MAP3K4: variants seen among roughly 807,000 people sequenced by gnomAD.
MAP3K4 encodes mitogen-activated protein kinase kinase kinase 4, also known as MAP three kinase 1.
Under a neutral mutation model 185.6 loss-of-function variants are expected in MAP3K4, and 67 were observed. The observed-to-expected ratio is 0.36, with a 90% confidence interval of 0.30 to 0.44. The LOEUF (loss-of-function observed/expected upper bound fraction) is 0.44. Ranked by LOEUF, MAP3K4 falls within the 20% of genes least tolerant of loss-of-function variation. The pLI is 1.00. For synonymous variants in MAP3K4, 702 were observed against 710.4 expected, an observed-to-expected ratio of 0.99 and a Z score of 0.19; for missense variants, 1,551 against 1,995.1, an observed-to-expected ratio of 0.78 and a Z score of 4.24.
rs1784946623 is a variant in MAP3K4, at chr6:161,071,585, G to C, written c.1950+735G>C. On this transcript the variant is annotated intron_variant, in intron 4 of 26. Transcript: ENST00000392142. This position sits in a 1 kb window ranked among gnomAD's most constrained non-coding sequence, Gnocchi z 4.6. ...TGGTAAGACAAAGCATAGGTGAGCA[G>C]TGCAGATTGAGGAAAGGCAGGTGAA... is the stretch of plus-strand genomic sequence containing the variant. Among the ~76,000 whole-genome samples, 1 of 152,186 alleles carries C rather than the reference G, an allele frequency of 6.6e-6. No individual in the cohort carries two copies. Among genetic ancestry groups the C allele is most frequent in the African/African-American group, 2.4e-5 (1 of 41,444 alleles).
At position 161,097,817 on chromosome 6, in the gene MAP3K4, G is replaced by A. The variant is rs1777638447; in HGVS notation, c.3525-461G>A. Reference sequence around the variant, plus strand: ...AAAGCTTTGAGGGGACCGGGGTGCGGTGACTCACGCCTGTAATTCCAGCAC... The same window carrying A: ...AAAGCTTTGAGGGGACCGGGGTGCGATGACTCACGCCTGTAATTCCAGCAC... On this transcript the variant is annotated intron_variant, in intron 16 of 26. Coordinates refer to ENST00000392142, the MANE Select transcript of MAP3K4 (RefSeq NM_005922.4). This position sits in a 1 kb window ranked among gnomAD's most constrained non-coding sequence, Gnocchi z 4.9. Among the ~76,000 whole-genome samples, 1 of 152,104 alleles carries A rather than the reference G, an allele frequency of 6.6e-6. No homozygotes were observed. The highest frequency in any genetic ancestry group is 2.4e-5 in the African/African-American group (1 of 41,426).
At chr6:161,026,552 T>A (rs1326652772) in intron 1 of MAP3K4, among the ~76,000 whole-genome samples, 1 of 152,144 alleles carries the variant, frequency 6.6e-6, no homozygotes, top group Non-Finnish European at 1.5e-5. Flanking sequence ...CACACAATTG[T>A]TGGAGGTAGT....
chr6:161,023,447 C>G (rs555446965), intron 1 of MAP3K4, among the ~76,000 whole-genome samples: 2 of 152,368 alleles, frequency 1.3e-5, no homozygotes, highest in South Asian at 4.1e-4. Context: ...TGCTTCTTCA[C>G]TCAGCCTCCT....
chr6:161,093,792 A>G lies in MAP3K4; in HGVS notation c.3368A>G (p.Asn1123Ser). The G allele has an allele frequency of 2.5e-6, 4 of 1,612,852 alleles. No individual in the cohort carries two copies. The highest frequency in any genetic ancestry group is 3.4e-6 in the Non-Finnish European group (4 of 1,179,356). The change falls in exon 15 of 27, where the codon AAT becomes AGT. Residue 1123 changes from asparagine (N) to serine (S), a missense_variant. By Grantham distance (46) the Asn-to-Ser change is conservative. Coordinates refer to ENST00000392142, the MANE Select transcript of MAP3K4 (RefSeq NM_005922.4). This position sits in a 1 kb window ranked among gnomAD's most constrained non-coding sequence, Gnocchi z 5.2. ...TTCTAGAGTTTACAAGCCTTGATGA[A>G]TGAATGCATTGGCCATGTCATAGGA... ...DDFLSLQALM[N>S]ECIGHVIGKP...
chr6:161,084,990 C>CA lies in MAP3K4; in HGVS notation c.2372+381dup, dbSNP rs200137223. Among the ~76,000 whole-genome samples the CA allele has an allele frequency of 9.4e-3, 1,426 of 151,402 alleles. 23 individuals carry two copies. The highest frequency in any genetic ancestry group is 0.031 in the African/African-American group (1,277 of 41,288). On this transcript the variant is annotated intron_variant, in intron 7 of 26. Coordinates refer to ENST00000392142, the MANE Select transcript of MAP3K4 (RefSeq NM_005922.4). This position sits in a 1 kb window ranked among gnomAD's most constrained non-coding sequence, Gnocchi z 4.6. ...TGAAACCTCGTCTCTACTAAAAATA[C>CA]AAAAAAAACAGCTGGGCGTGGTGGC...
chr6:161,039,279 C>CAAAA (rs3050259), intron 2 of MAP3K4, among the ~76,000 whole-genome samples: 159 of 71,780 alleles, frequency 2.2e-3, no homozygotes, highest in East Asian at 3.7e-3. Flanking sequence ...CGCAAAAATG[C>CAAAA]AAAAAAAAAA....
intron 3 of MAP3K4, among the ~76,000 whole-genome samples, chr6:161,060,628 T>A (rs1784443219): frequency 6.7e-6 from 1 of 149,106 alleles, no homozygotes; most frequent in Admixed American, 6.6e-5. Context: ...CTTTTTTTTT[T>A]TTTTTTTTTG....
At chr6:161,085,076 G>T (rs1170149799) in intron 7 of MAP3K4, among the ~76,000 whole-genome samples, 2 of 151,950 alleles carry the variant, frequency 1.3e-5, no homozygotes. Flanking sequence ...AACCCAGGAG[G>T]CAGAGGTTGC....
chr6:161,088,225 G>A lies in MAP3K4; in HGVS notation c.2823+271G>A, dbSNP rs1415335799. ...AGTTCAGTCATGTAGTTAGATCTGTGGAGCTATGATCTAAAAGGAGTTATG... is the reference window on the plus strand; with the variant it reads ...AGTTCAGTCATGTAGTTAGATCTGTAGAGCTATGATCTAAAAGGAGTTATG... On this transcript the variant is annotated intron_variant, in intron 10 of 26. Transcript: ENST00000392142. The surrounding 1 kb of genome is among the most constrained non-coding windows in gnomAD (Gnocchi z 4.5). Among the ~76,000 whole-genome samples the A allele has an allele frequency of 6.6e-6, 1 of 152,138 alleles. No individual in the cohort carries two copies. Among genetic ancestry groups the A allele is most frequent in the East Asian group, 1.9e-4 (1 of 5,200 alleles).
Position 161,049,963 on chromosome 6 carries a change from A to T in MAP3K4, c.1691A>T (p.Asn564Ile), listed in dbSNP as rs1273304426. 3 of 1,609,062 alleles carry T rather than the reference A, an allele frequency of 1.9e-6. No homozygotes were observed. Among genetic ancestry groups the T allele is most frequent in the African/African-American group, 1.3e-5 (1 of 74,798 alleles). ...AGGGCACGTATAGCATTGGTAAAGAACGATCGTCCAGTGGAGGTAGGTTTC... is the reference window on the plus strand; with the variant it reads ...AGGGCACGTATAGCATTGGTAAAGATCGATCGTCCAGTGGAGGTAGGTTTC... ...LQRARIALVKNDRPVEFSEFP... is the reference protein window; with the variant it reads ...LQRARIALVKIDRPVEFSEFP... Residue 564 changes from asparagine (N) to isoleucine (I), a missense_variant, in exon 3 of 27, where the codon AAC (asparagine) becomes ATC (isoleucine). This residue lies in a region of MAP3K4 where 86 missense variants were observed against 81.6 expected (regional missense o/e 1.05). Coordinates refer to ENST00000392142, the MANE Select transcript of MAP3K4 (RefSeq NM_005922.4). The surrounding 1 kb of genome is among the most constrained non-coding windows in gnomAD (Gnocchi z 8.4).
rs1251884577 is a variant in MAP3K4 at position 161,112,817 on chromosome 6, C to T, written c.4626+43C>T. The stretch of plus-strand genomic sequence containing the variant: ...ACCTGGCGGAGCAACTTCAGAAGGG[C>T]ACTGTGCATTAACAGAACAGTAGTT... On this transcript the variant is annotated intron_variant, in intron 25 of 26. Coordinates refer to ENST00000392142, the MANE Select transcript of MAP3K4 (RefSeq NM_005922.4). The surrounding 1 kb of genome is among the most constrained non-coding windows in gnomAD (Gnocchi z 5.1). 1.1e-5 allele frequency: 15 copies of T among 1,352,688 alleles called. No homozygotes were observed. The highest frequency in any genetic ancestry group is 4.4e-5 in the African/African-American group (3 of 68,322). The allele number at this position is 1,352,688 out of a possible 1,614,324, so 83.8% of individuals were successfully genotyped here. A position where few individuals can be genotyped will look rare whatever the true frequency, so the allele number is the denominator to read the frequency against.
Position 160,996,056 on chromosome 6 carries a change from G to A in MAP3K4, c.152+3973G>A, listed in dbSNP as rs965000412. 1.3e-5 allele frequency among the ~76,000 whole-genome samples: 2 copies of A among 152,018 alleles called. No homozygotes were observed. The highest frequency in any genetic ancestry group is 2.1e-4 in the South Asian group (1 of 4,806). Reference sequence around the variant, plus strand: ...ACTAGTTGAATGTCGTCACTCCTAGGCAATTTGCTCTGCCTCTCGGCTTGA... The same window carrying A: ...ACTAGTTGAATGTCGTCACTCCTAGACAATTTGCTCTGCCTCTCGGCTTGA... On this transcript the variant is annotated intron_variant, in intron 1 of 26. Coordinates refer to ENST00000392142, the MANE Select transcript of MAP3K4 (RefSeq NM_005922.4). The surrounding 1 kb of genome is among the most constrained non-coding windows in gnomAD (Gnocchi z 4.5).
At position 161,082,900 on chromosome 6, in the gene MAP3K4, T is replaced by C. The variant is rs1169990613; in HGVS notation, c.2256-1601T>C. ...CTGGTTAAAGTGTATGTCAGACCATTGTCTTCTCTCAATTTCCCAGTGGCT... is the reference window on the plus strand; with the variant it reads ...CTGGTTAAAGTGTATGTCAGACCATCGTCTTCTCTCAATTTCCCAGTGGCT... On this transcript the variant is annotated intron_variant, in intron 6 of 26. Coordinates refer to ENST00000392142, the MANE Select transcript of MAP3K4 (RefSeq NM_005922.4). This position sits in a 1 kb window ranked among gnomAD's most constrained non-coding sequence, Gnocchi z 4.2. Among the ~76,000 whole-genome samples the C allele has an allele frequency of 6.6e-6, 1 of 152,182 alleles. No homozygotes were observed. The highest frequency in any genetic ancestry group is 1.5e-5 in the Non-Finnish European group (1 of 68,032).
At chr6:161,057,386 A>G (rs1784291108) in intron 3 of MAP3K4, among the ~76,000 whole-genome samples, 1 of 152,212 alleles carries the variant, frequency 6.6e-6, no homozygotes, top group South Asian at 2.1e-4. Flanking sequence ...TAGGTACAGT[A>G]GATAACTTTC....
chr6:161,108,120 T>G lies in MAP3K4; in HGVS notation c.4119+151T>G. ...GTCAGGACCAACCAGGCAGATGCAC[T>G]GAGATAACACACACAGACAGTGAAG... On this transcript the variant is annotated intron_variant, in intron 21 of 26. Coordinates refer to ENST00000392142, the MANE Select transcript of MAP3K4 (RefSeq NM_005922.4). The surrounding 1 kb of genome is among the most constrained non-coding windows in gnomAD (Gnocchi z 5.7). The G allele has an allele frequency of 1.6e-6, 1 of 642,584 alleles. No individual in the cohort carries two copies. The highest frequency in any genetic ancestry group is 1.9e-5 in the South Asian group (1 of 53,078). The allele number at this position is 642,584 out of a possible 1,614,324, so 39.8% of individuals were successfully genotyped here.
intron 1 of MAP3K4, among the ~76,000 whole-genome samples, chr6:161,014,801 A>G (rs912719572): frequency 2.0e-5 from 3 of 152,210 alleles, no homozygotes; most frequent in Admixed American, 6.5e-5. Context: ...GTCCAAATCA[A>G]TGGTTTTAGT....
At chr6:161,036,608 T>C (rs1451169578) in intron 2 of MAP3K4, among the ~76,000 whole-genome samples, 2 of 152,208 alleles carry the variant, frequency 1.3e-5, no homozygotes, top group Admixed American at 1.3e-4. Flanking sequence ...GTACTTTTAA[T>C]TTAAATGGCT....
At position 161,097,731 on chromosome 6, in the gene MAP3K4, A is replaced by C. The variant is rs1189333943; in HGVS notation, c.3525-547A>C. On this transcript the variant is annotated intron_variant, in intron 16 of 26. Coordinates refer to ENST00000392142, the MANE Select transcript of MAP3K4 (RefSeq NM_005922.4). The surrounding 1 kb of genome is among the most constrained non-coding windows in gnomAD (Gnocchi z 4.9). Reference sequence around the variant, plus strand: ...TCTCGCCTGTATAATCAGTTTTTAAAAGTTTAATTTTATTTGACAATATTT... The same window carrying C: ...TCTCGCCTGTATAATCAGTTTTTAACAGTTTAATTTTATTTGACAATATTT... Among the ~76,000 whole-genome samples the C allele has an allele frequency of 6.6e-6, 1 of 152,134 alleles. No homozygotes were observed. The highest frequency in any genetic ancestry group is 1.5e-5 in the Non-Finnish European group (1 of 68,020).
Position 161,112,621 on chromosome 6 carries a change from G to A in MAP3K4, c.4520-47G>A. 1 of 1,141,852 alleles carries A rather than the reference G, an allele frequency of 8.8e-7. No individual in the cohort carries two copies. Among genetic ancestry groups the A allele is most frequent in the Non-Finnish European group, 1.2e-6 (1 of 835,322 alleles). 70.7% of individuals were successfully genotyped at this position (1,141,852 alleles called of 1,614,324 possible). A position where few individuals can be genotyped will look rare whatever the true frequency, so the allele number is the denominator to read the frequency against. The stretch of plus-strand genomic sequence containing the variant: ...TTGCTTGGCTCTATTAATACATGTT[G>A]ATGTGTTTATAACCCATTACTCTCA... On this transcript the variant is annotated intron_variant, in intron 24 of 26. Transcript: ENST00000392142. The surrounding 1 kb of genome is among the most constrained non-coding windows in gnomAD (Gnocchi z 5.1).
Sources: gnomAD v4.1 joint callset for allele counts (sites outside exome capture counted in the v4.1 genomes callset) on GRCh38, gnomAD v4.1.1 for gene constraint, gnomAD v4.1.1 regional missense constraint, Gnocchi (gnomAD v3.1) non-coding constraint, MANE v1.5 for transcripts, NCBI Gene and HGNC (gene_info 2026-07-23, HGNC 2026-07-21) for gene names.